Variants in ACTL8 observed in about 807,000 individuals in gnomAD.
The protein encoded by ACTL8 is actin-like protein 8.
Under a neutral mutation model 9.3 loss-of-function variants are expected in ACTL8, and 3 were observed. The ratio of observed to expected loss-of-function variants is 0.32; its 90% confidence interval spans 0.15 to 0.83. ACTL8 has a LOEUF of 0.83. ACTL8 is among the 40% of genes least tolerant of loss of function. The pLI is 0.57. For synonymous variants in ACTL8, 224 were observed against 205.9 expected (o/e 1.09, Z -0.75); for missense variants, 381 against 492.2 (o/e 0.77, Z 2.14).
At chr1:17,779,343 A>T (rs2066138083) in intron 1 of ACTL8, among the ~76,000 whole-genome samples, 1 of 152,106 alleles carries the variant, frequency 6.6e-6, no homozygotes, top group Non-Finnish European at 1.5e-5. Context: ...AGGCCATCCA[A>T]GACTGCCTCC....
intron 1 of ACTL8, among the ~76,000 whole-genome samples, chr1:17,763,869 CAG>C (rs1229316090): frequency 7.9e-5 from 12 of 152,184 alleles, no homozygotes; most frequent in Non-Finnish European, 1.2e-4. Flanking sequence ...CCTCTGGAAA[CAG>C]GGGTTGCGAT....
chr1:17,820,071 A>G (rs1352601756), intron 1 of ACTL8, among the ~76,000 whole-genome samples: 3 of 152,230 alleles, frequency 2.0e-5, no homozygotes, highest in African/African-American at 7.2e-5. Context: ...CGGGAATTTA[A>G]CAAATGCATA....
rs761410914 is a variant in ACTL8 at position 17,826,545 on chromosome 1, G to A, written c.*26G>A. The A allele has an allele frequency of 1.3e-6, 2 of 1,518,364 alleles. No individual in the cohort carries two copies. Among genetic ancestry groups the A allele is most frequent in the Admixed American group, 2.1e-5 (1 of 48,386 alleles). 94.1% of individuals were successfully genotyped at this position (1,518,364 alleles called of 1,614,324 possible). On this transcript the variant is annotated 3_prime_UTR_variant, in exon 3 of 3. Coordinates refer to ENST00000375406, the MANE Select transcript of ACTL8 (RefSeq NM_030812.3). This position sits in a 1 kb window ranked among gnomAD's most constrained non-coding sequence, Gnocchi z 4.5. ...CCCTACTGGCTCACTCCTGAGAATG[G>A]GCTCCTGTTAGATGGGCACGGGCGG...
rs1432803489 is a variant in ACTL8, at chr1:17,822,965, C to G, written c.-24-20C>G. ...GGCCTAGGCTGCCTGCACAACTAAC[C>G]CCATCCTTTGCTTCCGCAGGTCCCA... On this transcript the variant is annotated intron_variant, in intron 1 of 2. Coordinates refer to ENST00000375406, the MANE Select transcript of ACTL8 (RefSeq NM_030812.3). 6.4e-7 allele frequency: 1 copy of G among 1,555,052 alleles called. No homozygotes were observed. The highest frequency in any genetic ancestry group is 8.8e-7 in the Non-Finnish European group (1 of 1,142,638).
chr1:17,800,836 A>C (rs2066316840), intron 1 of ACTL8, among the ~76,000 whole-genome samples: 1 of 151,144 alleles, frequency 6.6e-6, no homozygotes, highest in African/African-American at 2.4e-5. Context: ...CTCGTGATCC[A>C]CCCACCTCAG....
intron 1 of ACTL8, among the ~76,000 whole-genome samples, chr1:17,766,523 A>G (rs2066045750): frequency 6.6e-6 from 1 of 152,178 alleles, no homozygotes. Context: ...CAGAGTAGCA[A>G]TAGCAAAAGC....
At chr1:17,807,527 G>A (rs571818954) in intron 1 of ACTL8, among the ~76,000 whole-genome samples, 1 of 152,294 alleles carries the variant, frequency 6.6e-6, no homozygotes, top group African/African-American at 2.4e-5. Flanking sequence ...TTGGATCATA[G>A]CAAGTATGCC....
chr1:17,776,770 A>T (rs190874542), intron 1 of ACTL8, among the ~76,000 whole-genome samples: 67 of 152,138 alleles, frequency 4.4e-4, no homozygotes, highest in Admixed American at 5.9e-4. Context: ...CATTCCTTCC[A>T]GAGGACCTTA....
At chr1:17,798,167 G>A (rs1397924366) in intron 1 of ACTL8, among the ~76,000 whole-genome samples, 1 of 152,236 alleles carries the variant, frequency 6.6e-6, no homozygotes, top group Non-Finnish European at 1.5e-5. Flanking sequence ...GGTCTGCGCA[G>A]TCATCAGTCC....
chr1:17,786,580 G>C (rs1057150919), intron 1 of ACTL8, among the ~76,000 whole-genome samples: 10 of 152,226 alleles, frequency 6.6e-5, no homozygotes, highest in African/African-American at 9.6e-5. Flanking sequence ...GTGAGAGGAA[G>C]AATGGAGAAC....
chr1:17,784,256 T>A (rs1451386129), intron 1 of ACTL8, among the ~76,000 whole-genome samples: 2 of 152,068 alleles, frequency 1.3e-5, no homozygotes, highest in Admixed American at 6.6e-5. Context: ...GCTACATGCT[T>A]TTAAACAACC....
chr1:17,757,112 G>A (rs1425670456), intron 1 of ACTL8, among the ~76,000 whole-genome samples: 1 of 152,168 alleles, frequency 6.6e-6, no homozygotes, highest in South Asian at 2.1e-4. Flanking sequence ...CCAGGTGACA[G>A]AGCAAGACCC....
chr1:17,817,021 T>G (rs1315372700), intron 1 of ACTL8, among the ~76,000 whole-genome samples: 1 of 152,170 alleles, frequency 6.6e-6, no homozygotes, highest in Non-Finnish European at 1.5e-5. Context: ...TTTTTTTCAC[T>G]CATTGTCCTC....
intron 1 of ACTL8, among the ~76,000 whole-genome samples, chr1:17,810,699 G>A (rs1180119594): frequency 2.6e-5 from 4 of 152,222 alleles, no homozygotes; most frequent in South Asian, 2.1e-4. Flanking sequence ...CCCCAGAAAC[G>A]ACTGATCTGT....
intron 1 of ACTL8, among the ~76,000 whole-genome samples, chr1:17,776,840 C>A (rs1349302361): frequency 4.6e-5 from 7 of 152,052 alleles, no homozygotes; most frequent in Non-Finnish European, 1.0e-4. Context: ...CGCTCTAGCT[C>A]CCAGGCAGGA....
intron 1 of ACTL8, among the ~76,000 whole-genome samples, chr1:17,799,079 G>A (rs751951754): frequency 7.9e-5 from 12 of 152,166 alleles, no homozygotes; most frequent in Non-Finnish European, 1.5e-4. Flanking sequence ...TAATGATGCT[G>A]TAGAGAATGC....
chr1:17,794,996 A>T (rs1214721397), intron 1 of ACTL8, among the ~76,000 whole-genome samples: 3 of 152,306 alleles, frequency 2.0e-5, no homozygotes, highest in East Asian at 1.9e-4. Flanking sequence ...TTTAAGATTG[A>T]TGCAGAAAAT....
chr1:17,810,762 A>G (rs146197338), intron 1 of ACTL8, among the ~76,000 whole-genome samples: 45 of 152,364 alleles, frequency 3.0e-4, no homozygotes, highest in African/African-American at 1.1e-3. Flanking sequence ...GGGAATATGC[A>G]GTATGTAAGT....
At chr1:17,764,521 A>C (rs961006231) in intron 1 of ACTL8, among the ~76,000 whole-genome samples, 1 of 151,914 alleles carries the variant, frequency 6.6e-6, no homozygotes, top group African/African-American at 2.4e-5. Context: ...AGTCCTGGGT[A>C]CCCTTGGAGG....
Sources: gnomAD v4.1 joint callset for allele counts (sites outside exome capture counted in the v4.1 genomes callset) on GRCh38, gnomAD v4.1.1 for gene constraint, Gnocchi (gnomAD v3.1) non-coding constraint, MANE v1.5 for transcripts, NCBI Gene and HGNC (gene_info 2026-07-23, HGNC 2026-07-21) for gene names.